The following VSIG2 variants were observed in gnomAD, a reference collection of about 807,000 sequenced individuals.
VSIG2 encodes the protein V-set and immunoglobulin domain containing 2, also known as V-set and immunoglobulin domain-containing protein 2.
A neutral mutation model predicts 29.4 loss-of-function variants in VSIG2; 30 were observed. The ratio of observed to expected loss-of-function variants is 1.02; its 90% CI spans 0.76 to 1.38. VSIG2 has a LOEUF of 1.38. Among genes scored for constraint, VSIG2 ranks in the 40% most tolerant of loss-of-function variants. The pLI is 0.00. For missense variants in VSIG2, 421 were observed against 400.8 expected (o/e 1.05, Z -0.43); for synonymous variants, 178 against 174.2 (o/e 1.02, Z -0.17).
intron 6 of VSIG2, 43 bp downstream of exon 6, chr11:124,748,347 C>G: frequency 6.4e-7 from 1 of 1,560,002 alleles, no homozygotes; most frequent in Non-Finnish European, 8.7e-7. Flanking sequence ...TAACTCAAGC[C>G]CTTTCCTCCC....
Position 124,750,881 on chromosome 11 carries a change from G to C in VSIG2, c.260C>G (p.Ser87Cys). 1 of 1,614,068 alleles carries C rather than the reference G, an allele frequency of 6.2e-7. No individual in the cohort carries two copies. The highest frequency in any genetic ancestry group is 8.5e-7 in the Non-Finnish European group (1 of 1,180,006). ...FTNGHLYPTG[S>C]KSKRVSLLQN... ...AAGCAGGCTGACCCGCTTTGACTTA[G>C]AACCAGTTGGATACAGATGGCCATT... The change falls in exon 3 of 7, where the codon TCT becomes TGT. Residue 87 changes from serine to cysteine, a missense_variant. Transcript: ENST00000326621.
chr11:124,751,655 C>A, intron 1 of VSIG2, 75 bp from the exon 2 acceptor site: 1 of 1,447,396 alleles, frequency 6.9e-7, no homozygotes, highest in Non-Finnish European at 9.1e-7. Context: ...CCCCGGGCAT[C>A]TATATTGGAA....
Position 124,752,118 on chromosome 11 carries a change from G to T in VSIG2, c.20C>A (p.Pro7His). 1 of 1,604,892 alleles carries T rather than the reference G, an allele frequency of 6.2e-7. No individual in the cohort carries two copies. Among genetic ancestry groups the T allele is most frequent in the Non-Finnish European group, 8.5e-7 (1 of 1,178,448 alleles). Residue 7 changes from proline to histidine, a missense_variant, in exon 1 of 7, where the codon CCC becomes CAC. Transcript: ENST00000326621. MAELPG[P>H]FLCGALLGFL... is the part of the protein sequence containing the mutation. ...GCCTAGCAGGGCCCCGCAGAGAAAGGGCCCCGGGAGCTCGGCCATGGCCGC... is the reference window on the plus strand; with the variant it reads ...GCCTAGCAGGGCCCCGCAGAGAAAGTGCCCCGGGAGCTCGGCCATGGCCGC...
chr11:124,750,590 T>C (rs1172694867), intron 3 of VSIG2, 124 bp downstream of exon 3: 8 of 1,043,066 alleles, frequency 7.7e-6, no homozygotes, highest in Admixed American at 2.5e-5. Context: ...TATTTTCACT[T>C]GGGGCCCCCA....
At chr11:124,751,778 C>G (rs1358248673) in intron 1 of VSIG2, among the ~76,000 whole-genome samples, 198 bp from the exon 2 acceptor site, 2 of 152,238 alleles carry the variant, frequency 1.3e-5, no homozygotes, top group African/African-American at 4.8e-5. Context: ...AGAGCCGGAA[C>G]CGGGCCAGGT....
rs1277818988 is a variant in VSIG2, at chr11:124,752,185, G to T, written c.-48C>A. 2.7e-6 allele frequency: 4 copies of T among 1,507,876 alleles called. No homozygotes were observed. Among genetic ancestry groups the T allele is most frequent in the Non-Finnish European group, 3.5e-6 (4 of 1,133,250 alleles). 93.4% of individuals were successfully genotyped at this position (1,507,876 alleles called of 1,614,324 possible). A position where few individuals can be genotyped will look rare whatever the true frequency, so the allele number is the denominator to read the frequency against. ...CTGCTCCTGCCAGGTGGGCGGTCAA[G>T]GTCGGTCTGGGTGTCGGGCAGGGAA... is the stretch of plus-strand genomic sequence containing the variant. On this transcript the variant is annotated 5_prime_UTR_variant, in exon 1 of 7. Coordinates refer to ENST00000326621, the MANE Select transcript of VSIG2 (RefSeq NM_014312.5).
chr11:124,751,581 C>T lies in VSIG2; in HGVS notation c.62-1G>A. ...GGTACCTTCACCTCCACGGCCAGCC[C>T]TGGGGCCGGGGACCAGAGGGAGGTG... is the stretch of plus-strand genomic sequence containing the variant. On this transcript the variant is annotated splice_acceptor_variant, in intron 1 of 6. Transcript: ENST00000326621. LOFTEE classifies it high-confidence loss of function. The T allele has an allele frequency of 6.3e-7, 1 of 1,586,366 alleles. No individual in the cohort carries two copies. Among genetic ancestry groups the T allele is most frequent in the Non-Finnish European group, 8.6e-7 (1 of 1,167,786 alleles).
At chr11:124,749,890 A>AAAAAAC in intron 3 of VSIG2, 24 bp from the exon 4 acceptor site, 6 of 1,535,326 alleles carry the variant, frequency 3.9e-6, no homozygotes, top group South Asian at 1.2e-5. Flanking sequence ...AAAAAAAAAA[A>AAAAAAC]AAAAACAGAA....
At position 124,747,657 on chromosome 11, in the gene VSIG2, T is replaced by C. The variant is rs568630499; in HGVS notation, c.862A>G (p.Ile288Val). Residue 288 changes from isoleucine to valine, a missense_variant, in exon 7 of 7, where the codon ATC (isoleucine) becomes GTC (valine). Transcript: ENST00000326621. ...YGGSDLREDAIAPGISEHTCM... is the reference protein window; with the variant it reads ...YGGSDLREDAVAPGISEHTCM... ...GTGTGCTCAGAGATCCCAGGAGCGA[T>C]GGCATCCTCCCTGATGGGTATAGGC... is the stretch of plus-strand genomic sequence containing the variant. 6.2e-7 allele frequency: 1 copy of C among 1,613,558 alleles called. No homozygotes were observed. Among genetic ancestry groups the C allele is most frequent in the South Asian group, 1.1e-5 (1 of 90,986 alleles).
At chr11:124,752,035 G>A (rs747951290) in intron 1 of VSIG2, 42 bp downstream of exon 1, 5 of 1,540,816 alleles carry the variant, frequency 3.2e-6, no homozygotes, top group African/African-American at 1.4e-5. Context: ...CCAGGCCTAT[G>A]CCCCCCAGCC....
intron 1 of VSIG2, 137 bp from the exon 2 acceptor site, chr11:124,751,717 C>G: frequency 9.6e-7 from 1 of 1,042,752 alleles, no homozygotes; most frequent in Middle Eastern, 3.2e-4. Context: ...TCCAACCCCT[C>G]CCTTCCCAAA....
chr11:124,752,005 G>A, intron 1 of VSIG2, 72 bp downstream of exon 1: 2 of 1,460,228 alleles, frequency 1.4e-6, no homozygotes, highest in Non-Finnish European at 1.8e-6. Context: ...GGACAGAGTG[G>A]GTCCGAGGAG....
Position 124,747,606 on chromosome 11 carries a change from C to G in VSIG2, c.913G>C (p.Gly305Arg), listed in dbSNP as rs762516354. The change falls in exon 7 of 7, where the codon GGG becomes CGG. Residue 305 changes from glycine to arginine, a missense_variant. By Grantham distance (125) the Gly-to-Arg change is moderately radical (BLOSUM62 -2). Coordinates refer to ENST00000326621, the MANE Select transcript of VSIG2 (RefSeq NM_014312.5). ...GCAGACGAGGGTCTTTCCAGGAACCCCTTGCTAGAATCAGCCCTCATACAA... is the reference window on the plus strand; with the variant it reads ...GCAGACGAGGGTCTTTCCAGGAACCGCTTGCTAGAATCAGCCCTCATACAA... ...HTCMRADSSK[G>R]FLERPSSAST... 6.2e-7 allele frequency: 1 copy of G among 1,613,806 alleles called. No homozygotes were observed. Among genetic ancestry groups the G allele is most frequent in the Admixed American group, 1.7e-5 (1 of 59,954 alleles).
rs753405778 is a variant in VSIG2, at chr11:124,749,787, G to A, written c.507C>T (p.Ser169=). The change falls in exon 4 of 7, where the codon TCC becomes TCT. Residue 169 remains serine (S), a synonymous_variant. Coordinates refer to ENST00000326621, the MANE Select transcript of VSIG2 (RefSeq NM_014312.5). ...GGSTALRCSS[S]EGAPKPVYNW... is the part of the protein sequence containing the mutation. ...TGTACACTGGCTTAGGAGCCCCCTCGGAAGAGCTGCATCTCAGTGCAGTAG... is the reference window on the plus strand; with the variant it reads ...TGTACACTGGCTTAGGAGCCCCCTCAGAAGAGCTGCATCTCAGTGCAGTAG... 26 of 1,610,700 alleles carry A rather than the reference G, an allele frequency of 1.6e-5. No individual in the cohort carries two copies. The highest frequency in any genetic ancestry group is 8.1e-5 in the African/African-American group (6 of 73,862).
chr11:124,749,989 T>A (rs1485997292), intron 3 of VSIG2, 123 bp from the exon 4 acceptor site: 7 of 1,129,304 alleles, frequency 6.2e-6, no homozygotes, highest in Non-Finnish European at 1.2e-6. Context: ...GTGGTCCTCT[T>A]GGGTCCACAC....
rs1046720546 is a variant in VSIG2, at chr11:124,752,102, G to C, written c.36C>G (p.Ala12=). 6.2e-7 allele frequency: 1 copy of C among 1,606,670 alleles called. No individual in the cohort carries two copies. ...AELPGPFLCG[A]LLGFLCLSGL... ...CACTCAGGCACAGGAAGCCTAGCAG[G>C]GCCCCGCAGAGAAAGGGCCCCGGGA... is the stretch of plus-strand genomic sequence containing the variant. Residue 12 remains alanine (A), a synonymous_variant, in exon 1 of 7, where the codon GCC becomes GCG. Transcript: ENST00000326621.
Position 124,747,559 on chromosome 11 carries a change from C to T in VSIG2, c.960G>A (p.Lys320=), listed in dbSNP as rs1424525384. 1.9e-6 allele frequency: 3 copies of T among 1,613,348 alleles called. No homozygotes were observed. Among genetic ancestry groups the T allele is most frequent in the Non-Finnish European group, 2.5e-6 (3 of 1,179,772 alleles). The part of the protein sequence containing the change: ...PSSASTVTTT[K]SKLPMVV ...GTCACACGACCATAGGGAGCTTGGA[C>T]TTGGTGGTCGTCACGGTGCTGGCAG... The change falls in exon 7 of 7, where the codon AAG becomes AAA. Residue 320 remains lysine, a synonymous_variant. Transcript: ENST00000326621.
intron 1 of VSIG2, 112 bp from the exon 2 acceptor site, chr11:124,751,692 A>C (rs1591426437): frequency 8.4e-7 from 1 of 1,195,524 alleles, no homozygotes; most frequent in African/African-American, 1.5e-5. Context: ...CCAGAGCACA[A>C]CCCTCTCCCC....
At chr11:124,748,832 T>G in intron 4 of VSIG2, 69 bp from the exon 5 acceptor site, 1 of 1,610,594 alleles carries the variant, frequency 6.2e-7, no homozygotes, top group Non-Finnish European at 8.5e-7. Flanking sequence ...GGACAGCACA[T>G]TTCATGTCAT....
Sources: gnomAD v4.1 joint callset for allele counts (sites outside exome capture counted in the v4.1 genomes callset) on GRCh38, gnomAD v4.1.1 for gene constraint, MANE v1.5 for transcripts, NCBI Gene and HGNC (gene_info 2026-07-23, HGNC 2026-07-21) for gene names.